FBRSL1: variants seen among roughly 807,000 people sequenced by gnomAD.
FBRSL1 encodes the protein fibrosin-1-like protein.
Under a neutral mutation model 89.6 loss-of-function variants are expected in FBRSL1, and 51 were observed. The ratio of observed to expected loss-of-function variants is 0.57; its 90% CI spans 0.45 to 0.72. FBRSL1 has a LOEUF of 0.72. FBRSL1 is among the 30% of genes least tolerant of loss of function. The probability of loss-of-function intolerance (pLI) is 0.00; values close to 1 mark genes in which losing one functional copy is unlikely to be tolerated. For missense variants in FBRSL1, 1,618 were observed against 1,451.8 expected (o/e 1.11, Z -1.86); for synonymous variants, 779 against 681.1 (o/e 1.14, Z -2.24).
intron 4 of FBRSL1, 59 bp from the exon 5 acceptor site, chr12:132,547,944 C>T (rs1187786074): frequency 7.8e-6 from 12 of 1,543,188 alleles, no homozygotes; most frequent in Non-Finnish European, 1.1e-5. Flanking sequence ...CTGCCGTGCC[C>T]CGGGGGGTGA....
intron 4 of FBRSL1, among the ~76,000 whole-genome samples, chr12:132,541,581 C>T (rs116577159): frequency 0.025 from 3,784 of 152,288 alleles, 153 homozygotes; most frequent in African/African-American, 0.086. Flanking sequence ...TGGAGGGGTG[C>T]GGATTCACAG....
At chr12:132,559,301 C>T (rs900697669) in intron 5 of FBRSL1, among the ~76,000 whole-genome samples, 4 of 152,256 alleles carry the variant, frequency 2.6e-5, no homozygotes, top group Non-Finnish European at 5.9e-5. Flanking sequence ...AGGGAGAAAC[C>T]GAGGCCCAGG....
chr12:132,519,404 A>G (rs2035149300), intron 2 of FBRSL1, among the ~76,000 whole-genome samples: 1 of 152,014 alleles, frequency 6.6e-6, no homozygotes, highest in South Asian at 2.1e-4. Context: ...AGGGGATGGC[A>G]TGCTTTGCTA....
At chr12:132,569,905 G>A (rs1176567812) in intron 6 of FBRSL1, 21 bp from the exon 7 acceptor site, 11 of 1,372,226 alleles carry the variant, frequency 8.0e-6, no homozygotes, top group Non-Finnish European at 1.0e-5. Context: ...TGGTCTGAAC[G>A]CAGCCACCCT....
chr12:132,581,559 T>G, intron 16 of FBRSL1, 43 bp downstream of exon 16: 1 of 1,542,842 alleles, frequency 6.5e-7, no homozygotes, highest in Non-Finnish European at 8.8e-7. Flanking sequence ...GGCTGGTTCC[T>G]CAGCAGCCTT....
At chr12:132,549,419 C>T (rs189573255) in intron 5 of FBRSL1, among the ~76,000 whole-genome samples, 110 of 152,338 alleles carry the variant, frequency 7.2e-4, no homozygotes, top group African/African-American at 2.4e-3. Context: ...GCGCCCGAAC[C>T]GTGACGGGCC....
chr12:132,491,020 G>A (rs1452140486), intron 1 of FBRSL1, among the ~76,000 whole-genome samples, 159 bp downstream of exon 1: 1 of 152,226 alleles, frequency 6.6e-6, no homozygotes, highest in Non-Finnish European at 1.5e-5. Flanking sequence ...GGGACCCTGG[G>A]TGCCCACCGC....
At chr12:132,508,844 G>A (rs1214834415) in intron 2 of FBRSL1, among the ~76,000 whole-genome samples, 2 of 152,220 alleles carry the variant, frequency 1.3e-5, no homozygotes, top group African/African-American at 2.4e-5. Flanking sequence ...CAGGTGCGTG[G>A]CCCAGCTGGG....
intron 2 of FBRSL1, among the ~76,000 whole-genome samples, chr12:132,522,448 C>T (rs1054651825): frequency 5.9e-5 from 9 of 152,190 alleles, no homozygotes; most frequent in Non-Finnish European, 1.2e-4. Context: ...TGCCAGAACC[C>T]TCAGGGCCCC....
In FBRSL1 at chr12:132,582,940, G is replaced by A. The variant is rs144641785; in HGVS notation, c.2202-31G>A. 5.1e-3 allele frequency: 6,966 copies of A among 1,372,556 alleles called. 31 individuals carry two copies. The highest frequency in any genetic ancestry group is 6.1e-3 in the Non-Finnish European group (6,552 of 1,068,864). The allele number at this position is 1,372,556 out of a possible 1,614,324, so 85.0% of individuals were successfully genotyped here. ...CGCCGCGCGGCAGGACGGAGGTCTC[G>A]GGAGTGACGGGTCCGCCCTGCCGCC... On this transcript the variant is annotated intron_variant, in intron 18 of 18. Coordinates refer to ENST00000680143, the MANE Select transcript of FBRSL1 (RefSeq NM_001367871.1).
Position 132,570,527 on chromosome 12 carries a change from A to T in FBRSL1, c.1200A>T (p.Pro400=). The T allele has an allele frequency of 6.6e-7, 1 of 1,515,728 alleles. No individual in the cohort carries two copies. Among genetic ancestry groups the T allele is most frequent in the Non-Finnish European group, 8.8e-7 (1 of 1,135,834 alleles). The allele number at this position is 1,515,728 out of a possible 1,614,324, so 93.9% of individuals were successfully genotyped here. ...PALPASSLVL[P]GHPADASLAV... ...TGCCGGCCAGCAGCCTGGTCCTCCCAGGACACCCGGCCGGTAGGTGTCTCG... is the reference window on the plus strand; with the variant it reads ...TGCCGGCCAGCAGCCTGGTCCTCCCTGGACACCCGGCCGGTAGGTGTCTCG... The change falls in exon 8 of 19, where the codon CCA becomes CCT. Residue 400 remains proline, a synonymous_variant. Coordinates refer to ENST00000680143, the MANE Select transcript of FBRSL1 (RefSeq NM_001367871.1).
chr12:132,577,619 C>T (rs1040890747), intron 15 of FBRSL1, among the ~76,000 whole-genome samples: 1 of 152,000 alleles, frequency 6.6e-6, no homozygotes, highest in Non-Finnish European at 1.5e-5. Flanking sequence ...GTCACCCACT[C>T]CCCCGAGTCA....
Position 132,570,097 on chromosome 12 carries a change from A to G in FBRSL1, c.863A>G (p.Lys288Arg). 6.7e-7 allele frequency: 1 copy of G among 1,485,010 alleles called. No individual in the cohort carries two copies. The highest frequency in any genetic ancestry group is 1.3e-5 in the South Asian group (1 of 78,952). 92.0% of individuals were successfully genotyped at this position (1,485,010 alleles called of 1,614,324 possible). Residue 288 changes from lysine to arginine, a missense_variant, in exon 7 of 19, where the codon AAG (lysine) becomes AGG (arginine). By Grantham distance (26) the Lys-to-Arg change is conservative (BLOSUM62 2). Coordinates refer to ENST00000680143, the MANE Select transcript of FBRSL1 (RefSeq NM_001367871.1). Reference protein sequence around the residue: ...PPGSRANPLVKKEPPAPHRHT... With the variant: ...PPGSRANPLVRKEPPAPHRHT... ...GGCTCCCGCGCCAATCCCTTGGTGA[A>G]GAAGGAACCCCCCGCCCCGCACCGC...
chr12:132,530,723 G>A (rs1214675349), intron 4 of FBRSL1, among the ~76,000 whole-genome samples: 4 of 138,472 alleles, frequency 2.9e-5, no homozygotes, highest in Admixed American at 7.1e-5. Flanking sequence ...TGGGGGGTGG[G>A]GCTGGGGGGT....
At chr12:132,550,278 G>A (rs1299880321) in intron 5 of FBRSL1, among the ~76,000 whole-genome samples, 3 of 152,212 alleles carry the variant, frequency 2.0e-5, no homozygotes, top group Non-Finnish European at 4.4e-5. Context: ...GCAGAACTTC[G>A]GGTCACGCCC....
chr12:132,517,090 C>T (rs1454941466), intron 2 of FBRSL1, among the ~76,000 whole-genome samples: 4 of 152,246 alleles, frequency 2.6e-5, no homozygotes, highest in East Asian at 1.9e-4. Flanking sequence ...GGCAAGGGTC[C>T]TCCTGTGCAG....
At chr12:132,560,714 G>A (rs1463536073) in intron 5 of FBRSL1, among the ~76,000 whole-genome samples, 1 of 152,180 alleles carries the variant, frequency 6.6e-6, no homozygotes, top group East Asian at 1.9e-4. Context: ...ACCTCGCGGG[G>A]GCTGAGGCTT....
chr12:132,542,977 G>T (rs2037393486), intron 4 of FBRSL1, among the ~76,000 whole-genome samples: 2 of 152,250 alleles, frequency 1.3e-5, no homozygotes, highest in Admixed American at 1.3e-4. Context: ...TAGCCGCCCA[G>T]GGTCTGGAAG....
intron 18 of FBRSL1, 82 bp downstream of exon 18, chr12:132,582,348 T>A: frequency 1.9e-6 from 2 of 1,061,492 alleles, no homozygotes; most frequent in East Asian, 3.0e-5. Flanking sequence ...CGGTTCCCCC[T>A]CCCCCGTTCC....
Sources: gnomAD v4.1 joint callset for allele counts (sites outside exome capture counted in the v4.1 genomes callset) on GRCh38, gnomAD v4.1.1 for gene constraint, MANE v1.5 for transcripts, NCBI Gene and HGNC (gene_info 2026-07-23, HGNC 2026-07-21) for gene names.